Variants in SLC14A2 observed in about 807,000 individuals in gnomAD.
SLC14A2 encodes the protein urea transporter 2.
In SLC14A2, 91 loss-of-function variants were observed where a neutral mutation model predicts 104.6. The ratio of observed to expected loss-of-function variants is 0.87; its 90% CI spans 0.73 to 1.04. The LOEUF (loss-of-function observed/expected upper bound fraction) is 1.04. Among genes scored for constraint, SLC14A2 ranks in the 50% least tolerant of loss-of-function variants. The pLI is 0.00. For missense variants in SLC14A2, 1,189 were observed against 1,156.0 expected, an observed-to-expected ratio of 1.03 and a Z score of -0.41; for synonymous variants, 476 against 466.4, an observed-to-expected ratio of 1.02 and a Z score of -0.27.
intron 1 of SLC14A2, among the ~76,000 whole-genome samples, chr18:45,220,940 C>A (rs2084055626): frequency 6.6e-6 from 1 of 152,188 alleles, no homozygotes; most frequent in Non-Finnish European, 1.5e-5. Context: ...TATGTACATT[C>A]CTGGTGTCTC....
At chr18:45,480,302 ATTTTCTTTC>A (rs890909980) in intron 1 of SLC14A2, among the ~76,000 whole-genome samples, 43 of 152,064 alleles carry the variant, frequency 2.8e-4, no homozygotes, top group African/African-American at 9.9e-4. Context: ...TCAGTGTATT[ATTTTCTTTC>A]TTTTCTTTCT....
intron 1 of SLC14A2, among the ~76,000 whole-genome samples, chr18:45,404,705 C>A (rs1476645259): frequency 6.6e-6 from 1 of 152,196 alleles, no homozygotes; most frequent in African/African-American, 2.4e-5. Flanking sequence ...TGGAAAGAAG[C>A]CTGAAACTGG....
chr18:45,334,073 C>A (rs571847650), intron 1 of SLC14A2, among the ~76,000 whole-genome samples: 1 of 152,282 alleles, frequency 6.6e-6, no homozygotes, highest in South Asian at 2.1e-4. Flanking sequence ...TGTTCAGCAT[C>A]CTATTCAAAA....
chr18:45,418,575 T>G (rs1238049406), intron 1 of SLC14A2, among the ~76,000 whole-genome samples: 2 of 152,198 alleles, frequency 1.3e-5, no homozygotes, highest in Non-Finnish European at 2.9e-5. Context: ...GAGATAAAAC[T>G]GGAACGGTAC....
chr18:45,183,906 A>ATTTTTTTTTTTTT, the SLC14A2 span, among the ~76,000 whole-genome samples: 43 of 62,720 alleles, frequency 6.9e-4, 2 homozygotes, highest in South Asian at 8.7e-4. Flanking sequence ...TAATTTTCTA[A>ATTTTTTTTTTTTT]TTTTTTTTTT....
intron 1 of SLC14A2, among the ~76,000 whole-genome samples, chr18:45,465,585 C>T (rs1262817819): frequency 1.3e-5 from 2 of 151,328 alleles, no homozygotes; most frequent in Admixed American, 1.3e-4. Flanking sequence ...TCCATCCATC[C>T]ATGCATGCAT....
chr18:45,673,844 T>G (rs1210671892), intron 18 of SLC14A2, 27 bp downstream of exon 18: 1 of 1,603,336 alleles, frequency 6.2e-7, no homozygotes, highest in Admixed American at 1.7e-5. Context: ...GAGGATTTGT[T>G]TCCTTTATAA....
chr18:45,359,063 G>A (rs1055150088), intron 1 of SLC14A2, among the ~76,000 whole-genome samples: 1 of 152,156 alleles, frequency 6.6e-6, no homozygotes, highest in African/African-American at 2.4e-5. Flanking sequence ...AGAGTTTTGG[G>A]GAGAGTCAGA....
chr18:45,384,586 C>T (rs150447826), intron 1 of SLC14A2, among the ~76,000 whole-genome samples: 215 of 152,266 alleles, frequency 1.4e-3, no homozygotes, highest in African/African-American at 4.9e-3. Context: ...TAATGTTAGG[C>T]ACTGCTGCCC....
At chr18:45,551,562 C>CTCTA (rs2044056784) in intron 2 of SLC14A2, among the ~76,000 whole-genome samples, 1 of 152,196 alleles carries the variant, frequency 6.6e-6, no homozygotes, top group Non-Finnish European at 1.5e-5. Flanking sequence ...GCATGTCTTC[C>CTCTA]TCTATGTTGG....
intron 1 of SLC14A2, among the ~76,000 whole-genome samples, chr18:45,283,120 A>G (rs2144146925): frequency 6.6e-6 from 1 of 152,322 alleles, no homozygotes; most frequent in East Asian, 1.9e-4. Context: ...CTCCTGACTT[A>G]CTGAGACTTC....
chr18:45,385,262 C>A (rs920926985), intron 1 of SLC14A2, among the ~76,000 whole-genome samples: 5 of 152,194 alleles, frequency 3.3e-5, no homozygotes, highest in Non-Finnish European at 7.3e-5. Context: ...TTAGCACTAC[C>A]AAATTCCCTG....
chr18:45,624,625 G>A lies in SLC14A2; in HGVS notation c.-34-6G>A, dbSNP rs201551096. 2,820 of 1,586,306 alleles carry A rather than the reference G, an allele frequency of 1.8e-3. 24 individuals are homozygous for A. Among genetic ancestry groups the A allele is most frequent in the South Asian group, 8.3e-3 (712 of 86,052 alleles). The stretch of plus-strand genomic sequence containing the variant: ...TCACTAGCTCTTTCCCTTTCCTTCC[G>A]TCTAGTCCATCGATAGAAGAGTGGC... On this transcript the variant is annotated splice_region_variant and splice_polypyrimidine_tract_variant and intron_variant, in intron 1 of 19. Transcript: ENST00000255226.
chr18:45,300,287 G>A (rs774401577), intron 1 of SLC14A2, among the ~76,000 whole-genome samples: 12 of 152,136 alleles, frequency 7.9e-5, no homozygotes, highest in Non-Finnish European at 1.8e-4. Context: ...ATGAGTTAGG[G>A]ACTGCTGTAT....
At position 45,289,678 on chromosome 18, in the gene SLC14A2, T is replaced by C. The variant is rs113080826; in HGVS notation, c.-125+76487T>C. Among the ~76,000 whole-genome samples, 364 of 152,318 alleles carry C rather than the reference T, an allele frequency of 2.4e-3. 2 individuals are homozygous for C. The highest frequency in any genetic ancestry group is 3.7e-3 in the Non-Finnish European group (251 of 68,022). ...TGTGTCTCCTTGTCTATCCCAAGCATGTGTGTTTCCCCTAAAAACATCCTT... is the reference window on the plus strand; with the variant it reads ...TGTGTCTCCTTGTCTATCCCAAGCACGTGTGTTTCCCCTAAAAACATCCTT... On this transcript the variant is annotated intron_variant, in intron 1 of 20. Transcript: ENST00000586448.
chr18:45,263,962 C>T (rs1229491024), intron 1 of SLC14A2, among the ~76,000 whole-genome samples: 1 of 152,166 alleles, frequency 6.6e-6, no homozygotes, highest in Non-Finnish European at 1.5e-5. Flanking sequence ...CCCATTGCTA[C>T]TATTATGACA....
intron 1 of SLC14A2, among the ~76,000 whole-genome samples, chr18:45,414,757 A>AAAATATATAT (rs1360051908): frequency 1.6e-4 from 12 of 76,096 alleles, no homozygotes; most frequent in African/African-American, 2.3e-4. Context: ...AAAAAAAAAA[A>AAAATATATAT]ATATATATAT....
intron 1 of SLC14A2, among the ~76,000 whole-genome samples, chr18:45,268,932 ATCACTTTGCC>A (rs2084621115): frequency 6.7e-6 from 1 of 148,588 alleles, no homozygotes; most frequent in Non-Finnish European, 1.5e-5. Flanking sequence ...AGTCTTCAGC[ATCACTTTGCC>A]TCCTTTATGC....
intron 1 of SLC14A2, among the ~76,000 whole-genome samples, chr18:45,249,375 T>C (rs2084399449): frequency 6.6e-6 from 1 of 152,026 alleles, no homozygotes; most frequent in Non-Finnish European, 1.5e-5. Flanking sequence ...GAACATGCGT[T>C]GAGCAGCTGC....
Sources: allele counts gnomAD v4.1 joint callset (sites outside exome capture counted in the v4.1 genomes callset), GRCh38; gene constraint gnomAD v4.1.1; transcripts MANE v1.5; gene names NCBI Gene and HGNC (gene_info 2026-07-23, HGNC 2026-07-21).